The following SLC4A10 variants were observed in gnomAD, a reference collection of about 807,000 sequenced individuals.
SLC4A10 encodes sodium-driven chloride bicarbonate exchanger.
Under a neutral mutation model 137.7 loss-of-function variants are expected in SLC4A10, and 42 were observed. The ratio of observed to expected loss-of-function variants is 0.30; its 90% CI spans 0.24 to 0.39. SLC4A10 has a LOEUF of 0.39. Ranked by LOEUF, SLC4A10 falls within the 10% of genes least tolerant of loss-of-function variation. The probability of loss-of-function intolerance (pLI) is 1.00; values close to 1 mark genes in which losing one functional copy is unlikely to be tolerated. For synonymous variants in SLC4A10, 474 were observed against 464.1 expected (o/e 1.02, Z -0.27); for missense variants, 925 against 1,355.0 (o/e 0.68, Z 4.98).
At chr2:161,787,740 A>G (rs73017163) in intron 2 of SLC4A10, among the ~76,000 whole-genome samples, 2,996 of 152,158 alleles carry the variant, frequency 0.02, 100 homozygotes, top group African/African-American at 0.067. Flanking sequence ...CATTGAAATT[A>G]CTTTTGTGAA....
chr2:161,978,394 A>AAAAG (rs1280402496), intron 26 of SLC4A10, among the ~76,000 whole-genome samples: 2 of 150,726 alleles, frequency 1.3e-5, no homozygotes, highest in Non-Finnish European at 3.0e-5. Context: ...CAAAAAAAAA[A>AAAAG]AAAAAAAGAA....
chr2:161,821,300 G>A (rs905210452), intron 3 of SLC4A10, among the ~76,000 whole-genome samples: 3 of 151,906 alleles, frequency 2.0e-5, no homozygotes, highest in Non-Finnish European at 4.4e-5. Context: ...TATTCTTTAG[G>A]CAAATTTTTC....
chr2:161,933,936 C>T (rs1691094428), intron 15 of SLC4A10, among the ~76,000 whole-genome samples: 1 of 152,094 alleles, frequency 6.6e-6, no homozygotes. Context: ...TTTATATTCC[C>T]ATCAACAATG....
intron 1 of SLC4A10, among the ~76,000 whole-genome samples, chr2:161,686,425 G>A (rs543765290): frequency 6.6e-6 from 1 of 152,010 alleles, no homozygotes; most frequent in African/African-American, 2.4e-5. Context: ...TATTGATGAG[G>A]CAAGAATAAA....
intron 3 of SLC4A10, among the ~76,000 whole-genome samples, chr2:161,813,166 C>A (rs889316276): frequency 6.6e-6 from 1 of 151,824 alleles, no homozygotes; most frequent in Non-Finnish European, 1.5e-5. Flanking sequence ...ATTATTTTTA[C>A]TCTCCATTGA....
intron 6 of SLC4A10, among the ~76,000 whole-genome samples, chr2:161,866,073 T>A (rs1232067224): frequency 6.6e-6 from 1 of 152,008 alleles, no homozygotes; most frequent in Non-Finnish European, 1.5e-5. Flanking sequence ...TAGAAATAAG[T>A]CCCCGTTTCT....
Position 161,983,446 on chromosome 2 carries a change from C to A in SLC4A10, c.*294C>A. The A allele has an allele frequency of 3.6e-6, 2 of 550,660 alleles. No homozygotes were observed. The highest frequency in any genetic ancestry group is 6.4e-6 in the Non-Finnish European group (2 of 314,482). The allele number at this position is 550,660 out of a possible 1,614,324, so 34.1% of individuals were successfully genotyped here. A position where few individuals can be genotyped will look rare whatever the true frequency, so the allele number is the denominator to read the frequency against. ...CTGTGAGCAGATACAATAGCCAATG[C>A]AAGAATCTGTGTGTTCCTTGCTGTA... On this transcript the variant is annotated 3_prime_UTR_variant, in exon 27 of 27. Transcript: ENST00000446997.
chr2:161,903,827 C>A (rs527259207), intron 12 of SLC4A10, among the ~76,000 whole-genome samples, 177 bp from the exon 13 acceptor site: 12 of 152,204 alleles, frequency 7.9e-5, no homozygotes, highest in African/African-American at 2.9e-4. Flanking sequence ...AGGTAACGAA[C>A]GTAGTTGTGC....
chr2:161,796,518 T>C (rs2054789172), intron 2 of SLC4A10, among the ~76,000 whole-genome samples: 1 of 152,186 alleles, frequency 6.6e-6, no homozygotes, highest in South Asian at 2.1e-4. Flanking sequence ...AACCTATGCA[T>C]AAGAACCCTT....
chr2:161,660,522 C>G (rs1054775179), intron 1 of SLC4A10, among the ~76,000 whole-genome samples: 1 of 152,116 alleles, frequency 6.6e-6, no homozygotes, highest in African/African-American at 2.4e-5. Context: ...AAGTAAGAAA[C>G]AAAAGTACAT....
chr2:161,654,996 G>A (rs530973264), intron 1 of SLC4A10, among the ~76,000 whole-genome samples: 2 of 151,982 alleles, frequency 1.3e-5, no homozygotes, highest in African/African-American at 2.4e-5. Flanking sequence ...TTAAATCTTC[G>A]AATTCATGAA....
chr2:161,907,797 A>G (rs1188194442), intron 15 of SLC4A10, among the ~76,000 whole-genome samples: 1 of 152,232 alleles, frequency 6.6e-6, no homozygotes, highest in East Asian at 1.9e-4. Flanking sequence ...AGTTATATAG[A>G]TAGTGGTAAA....
intron 15 of SLC4A10, among the ~76,000 whole-genome samples, chr2:161,938,875 A>C (rs573563960): frequency 9.7e-4 from 148 of 152,202 alleles, no homozygotes; most frequent in African/African-American, 3.5e-3. Context: ...AGGGAAAAAA[A>C]ACCCCACAAA....
chr2:161,831,789 G>A (rs72879233), intron 3 of SLC4A10, among the ~76,000 whole-genome samples: 10,250 of 152,150 alleles, frequency 0.067, 455 homozygotes, highest in East Asian at 0.17. Flanking sequence ...GTGGTGAAAA[G>A]GTTCACAAAG....
intron 2 of SLC4A10, among the ~76,000 whole-genome samples, chr2:161,795,783 A>G (rs947432096): frequency 1.3e-5 from 2 of 152,170 alleles, no homozygotes; most frequent in Non-Finnish European, 2.9e-5. Flanking sequence ...ATGAGAAAAT[A>G]TAAATAAAAC....
chr2:161,752,327 A>G (rs902352597), intron 1 of SLC4A10, among the ~76,000 whole-genome samples: 4 of 151,958 alleles, frequency 2.6e-5, no homozygotes, highest in African/African-American at 9.7e-5. Flanking sequence ...AGGATGAAGC[A>G]CTTGTATTTC....
At chr2:161,972,332 C>T (rs985076740) in intron 23 of SLC4A10, among the ~76,000 whole-genome samples, 1 of 152,158 alleles carries the variant, frequency 6.6e-6, no homozygotes, top group Non-Finnish European at 1.5e-5. Flanking sequence ...TACATATGCT[C>T]TGCCCCTGAC....
chr2:161,644,068 C>CTTTTTTTTTTTTTT (rs5835873), intron 1 of SLC4A10, among the ~76,000 whole-genome samples: 1 of 143,732 alleles, frequency 7.0e-6, no homozygotes, highest in Non-Finnish European at 1.5e-5. Context: ...GGCTTCTAAT[C>CTTTTTTTTTTTTTT]TTTTTTTTTT....
intron 3 of SLC4A10, among the ~76,000 whole-genome samples, chr2:161,811,200 G>C (rs2056520190): frequency 6.6e-6 from 1 of 151,878 alleles, no homozygotes; most frequent in Non-Finnish European, 1.5e-5. Flanking sequence ...GTATTTCTGT[G>C]GGATTGGGTG....
Sources: allele counts gnomAD v4.1 joint callset (sites outside exome capture counted in the v4.1 genomes callset), GRCh38; gene constraint gnomAD v4.1.1; transcripts MANE v1.5; gene names NCBI Gene and HGNC (gene_info 2026-07-23, HGNC 2026-07-21).